The following NYAP2 variants were observed in gnomAD, a reference collection of about 807,000 sequenced individuals.
NYAP2 encodes neuronal tyrosine-phosphorylated phosphoinositide-3-kinase adaptor 2, also known as neuronal tyrosine-phosphorylated phosphoinositide-3-kinase adapter 2.
NYAP2 carries 23 observed loss-of-function variants against 50.4 expected under a neutral mutation model. The ratio of observed to expected loss-of-function variants is 0.46; its 90% CI spans 0.33 to 0.65. The LOEUF (loss-of-function observed/expected upper bound fraction) is 0.65. NYAP2 is among the 30% of genes least tolerant of loss of function. The pLI is 0.02. For synonymous variants in NYAP2, 394 were observed against 365.2 expected (o/e 1.08, Z -0.90); for missense variants, 885 against 861.0 (o/e 1.03, Z -0.35).
At position 225,512,896 on chromosome 2, in the gene NYAP2, C is replaced by CCTTCCTTG. The variant is rs1224129197; in HGVS notation, c.222-472_222-471insCCTTGCTT. On this transcript the variant is annotated intron_variant, in intron 3 of 6. Transcript: ENST00000636099. ...TCCTTCCTTCCTTCCTTCCTTCCTTCCTTTCCTTTCCTTTCTTTTTCTTTC... is the reference window on the plus strand; with the variant it reads ...TCCTTCCTTCCTTCCTTCCTTCCTTCCTTCCTTGCTTTCCTTTCCTTTCTTTTTCTTTC... Among the ~76,000 whole-genome samples the CCTTCCTTG allele has an allele frequency of 2.8e-3, 339 of 121,172 alleles. 3 individuals are homozygous for CCTTCCTTG. The highest frequency in any genetic ancestry group is 0.015 in the Middle Eastern group (3 of 204). The allele number at this position is 121,172 out of a possible 152,430, so 79.5% of individuals were successfully genotyped here. A position where few individuals can be genotyped will look rare whatever the true frequency, so the allele number is the denominator to read the frequency against.
chr2:225,581,899 C>T (rs760230431), intron 4 of NYAP2, 42 bp from the exon 5 acceptor site: 3 of 1,540,132 alleles, frequency 1.9e-6, no homozygotes, highest in Admixed American at 4.0e-5. Flanking sequence ...GAAAACTTTC[C>T]TATTATACTC....
chr2:225,623,408 A>T (rs1693157629), intron 5 of NYAP2, among the ~76,000 whole-genome samples: 1 of 152,226 alleles, frequency 6.6e-6, no homozygotes, highest in Non-Finnish European at 1.5e-5. Flanking sequence ...CATAGCAGCC[A>T]ACTTTTCAGC....
intron 4 of NYAP2, among the ~76,000 whole-genome samples, chr2:225,544,979 T>C (rs936659263): frequency 1.3e-5 from 2 of 152,156 alleles, no homozygotes; most frequent in Non-Finnish European, 2.9e-5. Flanking sequence ...AAAGTTATTT[T>C]TTTTCCTTCA....
At chr2:225,651,709 T>A in exon 7 of NYAP2, 1 of 844,900 alleles carries the variant, frequency 1.2e-6, no homozygotes, top group South Asian at 1.8e-5. Flanking sequence ...TGTTTTCATT[T>A]GAAAAAGAAT....
intron 4 of NYAP2, among the ~76,000 whole-genome samples, chr2:225,530,286 G>A (rs1402987139): frequency 6.6e-6 from 1 of 152,074 alleles, no homozygotes; most frequent in African/African-American, 2.4e-5. Context: ...CCACCGTCCT[G>A]CATCCCTCCC....
chr2:225,508,871 GT>G (rs1690760043), intron 3 of NYAP2, among the ~76,000 whole-genome samples: 1 of 152,186 alleles, frequency 6.6e-6, no homozygotes. Flanking sequence ...CTCAGAGGAG[GT>G]TCTCTGTTGA....
At chr2:225,665,194 T>G in the NYAP2 span, among the ~76,000 whole-genome samples, 1 of 152,104 alleles carries the variant, frequency 6.6e-6, no homozygotes, top group African/African-American at 2.4e-5. Flanking sequence ...AAGCTGAACT[T>G]TGCTCTTTTT....
In NYAP2 at chr2:225,425,705, C is replaced by T. The variant is rs116136189; in HGVS notation, c.221+16604C>T. Among the ~76,000 whole-genome samples, 517 of 152,220 alleles carry T rather than the reference C, an allele frequency of 3.4e-3. 3 individuals are homozygous for T. Among genetic ancestry groups the T allele is most frequent in the African/African-American group, 0.012 (488 of 41,556 alleles). On this transcript the variant is annotated intron_variant, in intron 3 of 6. Coordinates refer to ENST00000636099, the Ensembl canonical transcript of NYAP2. ...AAACGACTGTTGTGCAGAGAATAAT[C>T]GAAGAGAAATAAATATTTGTATTTT...
At chr2:225,475,445 A>G (rs1690087143) in intron 3 of NYAP2, among the ~76,000 whole-genome samples, 1 of 152,232 alleles carries the variant, frequency 6.6e-6, no homozygotes. Flanking sequence ...ACTAAGGAAA[A>G]TAAGTGAAAT....
At chr2:225,683,738 T>C in the NYAP2 span, among the ~76,000 whole-genome samples, 6 of 152,048 alleles carry the variant, frequency 3.9e-5, no homozygotes, top group African/African-American at 7.2e-5. Flanking sequence ...AGAGAAGCCA[T>C]AAAAGAGAGC....
At chr2:225,421,706 G>T (rs568935406) in intron 3 of NYAP2, among the ~76,000 whole-genome samples, 3 of 152,188 alleles carry the variant, frequency 2.0e-5, no homozygotes, top group Non-Finnish European at 4.4e-5. Flanking sequence ...TATTCTCTCC[G>T]GCCTAGTGGC....
intron 3 of NYAP2, among the ~76,000 whole-genome samples, chr2:225,490,680 G>A (rs1267712227): frequency 6.6e-6 from 1 of 152,210 alleles, no homozygotes; most frequent in Non-Finnish European, 1.5e-5. Flanking sequence ...AGCCTCTGCA[G>A]GGCTGACTCA....
At chr2:225,569,375 C>A (rs1281747880) in intron 4 of NYAP2, among the ~76,000 whole-genome samples, 1 of 152,032 alleles carries the variant, frequency 6.6e-6, no homozygotes, top group African/African-American at 2.4e-5. Context: ...AGTAAGGAAA[C>A]TTCAGATAAC....
intron 4 of NYAP2, among the ~76,000 whole-genome samples, chr2:225,549,054 A>AT (rs1053995396): frequency 2.6e-5 from 4 of 151,872 alleles, no homozygotes; most frequent in Admixed American, 6.6e-5. Flanking sequence ...TAATTTTTGT[A>AT]TTTTTTAGTA....
At chr2:225,505,676 A>G (rs552821524) in intron 3 of NYAP2, among the ~76,000 whole-genome samples, 42 of 152,310 alleles carry the variant, frequency 2.8e-4, no homozygotes, top group African/African-American at 8.9e-4. Flanking sequence ...CTTATTTAGT[A>G]ACTACTGTCT....
intron 4 of NYAP2, among the ~76,000 whole-genome samples, chr2:225,569,978 TGA>T (rs1296059786): frequency 6.6e-6 from 1 of 152,176 alleles, no homozygotes; most frequent in Non-Finnish European, 1.5e-5. Flanking sequence ...AGGTGCAATC[TGA>T]GAGCCTGTAG....
At chr2:225,597,511 A>AT (rs1692622567) in intron 5 of NYAP2, among the ~76,000 whole-genome samples, 2 of 99,660 alleles carry the variant, frequency 2.0e-5, no homozygotes, top group Non-Finnish European at 2.2e-5. Context: ...TTCCAAGGAG[A>AT]AATATATATA....
At chr2:225,665,107 C>A in the NYAP2 span, among the ~76,000 whole-genome samples, 1 of 152,122 alleles carries the variant, frequency 6.6e-6, no homozygotes, top group Non-Finnish European at 1.5e-5. Context: ...ATAGCACAAA[C>A]CTTACATAAT....
At chr2:225,583,947 C>T (rs1692345870) in intron 5 of NYAP2, among the ~76,000 whole-genome samples, 1 of 152,086 alleles carries the variant, frequency 6.6e-6, no homozygotes, top group South Asian at 2.1e-4. Context: ...GAGGCTGAGG[C>T]AGGAGAATGG....
Sources: allele counts gnomAD v4.1 joint callset (sites outside exome capture counted in the v4.1 genomes callset), GRCh38; gene constraint gnomAD v4.1.1; transcripts MANE v1.5; gene names NCBI Gene and HGNC (gene_info 2026-07-23, HGNC 2026-07-21).